Variants in CMIP observed in about 807,000 individuals in gnomAD.
CMIP encodes the protein C-Maf-inducing protein.
In CMIP, 13 loss-of-function variants were observed where a neutral mutation model predicts 97.3. That is an observed-to-expected ratio of 0.13 (90% CI 0.09 to 0.21). The LOEUF (loss-of-function observed/expected upper bound fraction) is 0.21. Among genes scored for constraint, CMIP ranks in the 10% least tolerant of loss-of-function variants. The pLI is 1.00. For missense variants in CMIP, 847 were observed against 1,024.9 expected, an observed-to-expected ratio of 0.83 and a Z score of 2.37; for synonymous variants, 538 against 436.3, an observed-to-expected ratio of 1.23 and a Z score of -2.91.
intron 1 of CMIP, among the ~76,000 whole-genome samples, chr16:81,446,412 A>C (rs1213634784): frequency 6.6e-6 from 1 of 151,144 alleles, no homozygotes; most frequent in Non-Finnish European, 1.5e-5. Context: ...GTGGAGAAAG[A>C]CAGCTGTGGT....
chr16:81,560,496 G>T (rs571205970), intron 1 of CMIP, among the ~76,000 whole-genome samples: 1 of 152,154 alleles, frequency 6.6e-6, no homozygotes, highest in Non-Finnish European at 1.5e-5. Flanking sequence ...GGGATTACAG[G>T]CGTGAGCCAC....
At chr16:81,486,492 G>T (rs572297557) in intron 1 of CMIP, among the ~76,000 whole-genome samples, 14 of 152,272 alleles carry the variant, frequency 9.2e-5, no homozygotes, top group African/African-American at 3.1e-4. Context: ...TCGGGTCCTC[G>T]CTGGAGTTCA....
intron 20 of CMIP, among the ~76,000 whole-genome samples, chr16:81,709,472 A>G (rs1385793079): frequency 2.0e-5 from 3 of 152,182 alleles, no homozygotes; most frequent in Non-Finnish European, 2.9e-5. Flanking sequence ...TTCAAACCCC[A>G]GTGCTTCCAC....
chr16:81,600,430 G>A (rs562189734), intron 1 of CMIP, among the ~76,000 whole-genome samples: 17 of 152,228 alleles, frequency 1.1e-4, no homozygotes, highest in African/African-American at 3.6e-4. Flanking sequence ...ATGCGGTTCC[G>A]ACTCATGCCA....
intron 8 of CMIP, among the ~76,000 whole-genome samples, chr16:81,671,680 G>C (rs2092684458): frequency 6.6e-6 from 1 of 152,232 alleles, no homozygotes; most frequent in African/African-American, 2.4e-5. Context: ...CAGAAACAGG[G>C]TGGAGAGTTT....
chr16:81,709,109 G>C (rs1417339350), intron 20 of CMIP, among the ~76,000 whole-genome samples: 1 of 152,158 alleles, frequency 6.6e-6, no homozygotes, highest in African/African-American at 2.4e-5. Flanking sequence ...AAACAATGGA[G>C]AGACATAGCA....
chr16:81,564,035 G>A (rs942133405), intron 1 of CMIP, among the ~76,000 whole-genome samples: 6 of 152,220 alleles, frequency 3.9e-5, no homozygotes, highest in Non-Finnish European at 8.8e-5. Flanking sequence ...CTCCCATTTC[G>A]TCCTCTCCTT....
chr16:81,696,768 G>C, intron 14 of CMIP, 101 bp downstream of exon 14: 1 of 1,109,698 alleles, frequency 9.0e-7, no homozygotes. Context: ...GCCAGCCCCG[G>C]AGTTTCCCGG....
At chr16:81,445,685 C>T (rs1158495122) in intron 1 of CMIP, 144 bp downstream of exon 1, 2 of 961,624 alleles carry the variant, frequency 2.1e-6, no homozygotes, top group African/African-American at 1.7e-5. Context: ...ACCAGGGCGC[C>T]TCGCTCCTGG....
chr16:81,572,295 C>T (rs868771408), intron 1 of CMIP, among the ~76,000 whole-genome samples: 1 of 152,354 alleles, frequency 6.6e-6, no homozygotes, highest in South Asian at 2.1e-4. Context: ...CCTGGACATC[C>T]TCTGAGCAGC....
Position 81,652,056 on chromosome 16 carries a change from C to T in CMIP, c.478-147C>T, listed in dbSNP as rs2092434419. The T allele has an allele frequency of 4.8e-6, 3 of 630,192 alleles. No homozygotes were observed. The highest frequency in any genetic ancestry group is 8.2e-6 in the Non-Finnish European group (3 of 365,120). The allele number at this position is 630,192 out of a possible 1,614,324, so 39.0% of individuals were successfully genotyped here. ...TGAGACCCTTCCTCTCTCGGGGTGT[C>T]AGTTTCCTTATAAACGGGGACTGGG... On this transcript the variant is annotated intron_variant, in intron 3 of 20. Coordinates refer to ENST00000537098, the MANE Select transcript of CMIP (RefSeq NM_198390.3). This position sits in a 1 kb window ranked among gnomAD's most constrained non-coding sequence, Gnocchi z 5.2.
intron 3 of CMIP, among the ~76,000 whole-genome samples, chr16:81,640,950 A>G (rs945236478): frequency 6.6e-6 from 1 of 152,078 alleles, no homozygotes; most frequent in Non-Finnish European, 1.5e-5. Flanking sequence ...ACACAGTCCA[A>G]CCCACAACAC....
intron 20 of CMIP, 70 bp from the exon 21 acceptor site, chr16:81,709,676 G>A: frequency 1.3e-6 from 2 of 1,563,800 alleles, no homozygotes; most frequent in South Asian, 1.1e-5. Flanking sequence ...AATGCGGGTG[G>A]AGCCAGGCAC....
At chr16:81,586,618 C>T (rs182476583) in intron 1 of CMIP, among the ~76,000 whole-genome samples, 194 of 150,302 alleles carry the variant, frequency 1.3e-3, no homozygotes, top group African/African-American at 4.8e-3. Context: ...TGACTCACCT[C>T]CTTCAACTTC....
intron 1 of CMIP, among the ~76,000 whole-genome samples, chr16:81,506,904 CAA>C (rs35148332): frequency 2.6e-3 from 274 of 105,920 alleles, no homozygotes; most frequent in African/African-American, 8.3e-3. Context: ...GACTCCGTCT[CAA>C]AAAAAAAAAA....
At chr16:81,505,373 T>C (rs945889695) in intron 1 of CMIP, among the ~76,000 whole-genome samples, 4 of 152,224 alleles carry the variant, frequency 2.6e-5, no homozygotes, top group African/African-American at 9.6e-5. Flanking sequence ...CTTGCTTCCA[T>C]GTGGGCCTGG....
intron 1 of CMIP, among the ~76,000 whole-genome samples, chr16:81,493,942 G>A (rs2089446750): frequency 1.3e-5 from 2 of 152,206 alleles, no homozygotes; most frequent in South Asian, 2.1e-4. Flanking sequence ...TGCTTCTCAG[G>A]AAGTCTTAGG....
intron 1 of CMIP, among the ~76,000 whole-genome samples, chr16:81,561,920 A>G (rs1002102358): frequency 2.6e-5 from 4 of 152,182 alleles, no homozygotes; most frequent in African/African-American, 9.7e-5. Flanking sequence ...AATCCAGGCA[A>G]GTATGGGAGT....
intron 1 of CMIP, among the ~76,000 whole-genome samples, chr16:81,514,258 C>A (rs187872127): frequency 6.4e-4 from 98 of 152,168 alleles, no homozygotes; most frequent in Admixed American, 8.5e-4. Context: ...GTGGGGCAGG[C>A]AGGGAGGAGG....
Sources: allele counts gnomAD v4.1 joint callset (sites outside exome capture counted in the v4.1 genomes callset), GRCh38; gene constraint gnomAD v4.1.1; non-coding constraint Gnocchi (gnomAD v3.1); transcripts MANE v1.5; gene names NCBI Gene and HGNC (gene_info 2026-07-23, HGNC 2026-07-21).